FAM91A1: variants seen among roughly 807,000 people sequenced by gnomAD.
FAM91A1 encodes protein FAM91A1.
FAM91A1 carries 41 observed loss-of-function variants against 113.5 expected under a neutral mutation model. The ratio of observed to expected loss-of-function variants is 0.36; its 90% CI spans 0.28 to 0.47. FAM91A1 has a LOEUF of 0.47. Ranked by LOEUF, FAM91A1 falls within the 20% of genes least tolerant of loss-of-function variation. The pLI is 1.00. For missense variants in FAM91A1, 696 were observed against 1,001.2 expected (o/e 0.70, Z 4.11); for synonymous variants, 307 against 347.9 (o/e 0.88, Z 1.31).
rs1234040251 is a variant in FAM91A1 at position 123,812,917 on chromosome 8, ATTTTT to A, written c.*215_*219del. 1 of 408,254 alleles carries A rather than the reference ATTTTT, an allele frequency of 2.4e-6. No homozygotes were observed. Among genetic ancestry groups the A allele is most frequent in the Admixed American group, 4.4e-5 (1 of 22,858 alleles). 25.3% of individuals were successfully genotyped at this position (408,254 alleles called of 1,614,324 possible). On this transcript the variant is annotated 3_prime_UTR_variant, in exon 24 of 24. Transcript: ENST00000334705. ...AGTGCTTTTTAGCAGCCAGCACTGTATTTTTTACCTTGAGACAATCTGCATTTCTT... is the reference window on the plus strand; with the variant it reads ...AGTGCTTTTTAGCAGCCAGCACTGTATACCTTGAGACAATCTGCATTTCTT...
intron 20 of FAM91A1, among the ~76,000 whole-genome samples, chr8:123,807,062 T>A (rs1160636000): frequency 6.6e-6 from 1 of 152,140 alleles, no homozygotes; most frequent in Non-Finnish European, 1.5e-5. Flanking sequence ...TCCCATTGAT[T>A]GACAGTATTC....
In FAM91A1 at chr8:123,786,499, A is replaced by G; in HGVS notation, c.967A>G (p.Thr323Ala). The G allele has an allele frequency of 6.2e-7, 1 of 1,609,482 alleles. No individual in the cohort carries two copies. Among genetic ancestry groups the G allele is most frequent in the Non-Finnish European group, 8.5e-7 (1 of 1,176,378 alleles). ...AAATGCATTCTTCATTAATAGGAGTACCTTAGATCCACAGAAGATGCTCTT... is the reference window on the plus strand; with the variant it reads ...AAATGCATTCTTCATTAATAGGAGTGCCTTAGATCCACAGAAGATGCTCTT... ...NVPSVNRLKS[T>A]LDPQKMLLSW... Residue 323 changes from threonine (T) to alanine (A), a missense_variant, in exon 12 of 24, where the codon ACC (threonine) becomes GCC (alanine). Physicochemically the swap from Thr to Ala is moderately conservative, Grantham distance 58. Transcript: ENST00000334705.
chr8:123,785,362 T>C (rs1189064334), intron 10 of FAM91A1, among the ~76,000 whole-genome samples: 1 of 152,206 alleles, frequency 6.6e-6, no homozygotes, highest in Non-Finnish European at 1.5e-5. Context: ...GCCCAAGCAG[T>C]ATCTTGTAGT....
At position 123,813,065 on chromosome 8, in the gene FAM91A1, T is replaced by C. The variant is rs1442815085; in HGVS notation, c.*361T>C. 2 of 160,302 alleles carry C rather than the reference T, an allele frequency of 1.2e-5. No homozygotes were observed. The highest frequency in any genetic ancestry group is 2.7e-5 in the Non-Finnish European group (2 of 73,350). 9.9% of individuals were successfully genotyped at this position (160,302 alleles called of 1,614,324 possible). On this transcript the variant is annotated 3_prime_UTR_variant, in exon 24 of 24. Transcript: ENST00000334705. ...TAGTTTATCAAACATAAATCTTGTT[T>C]AATTTTATATTTTGTTACCTATACT... is the stretch of plus-strand genomic sequence containing the variant.
intron 15 of FAM91A1, among the ~76,000 whole-genome samples, chr8:123,791,666 C>G (rs1815388298): frequency 6.6e-6 from 1 of 152,098 alleles, no homozygotes. Context: ...AGCTTAGCTC[C>G]TCATCTGAAT....
rs1190461898 is a variant in FAM91A1 at position 123,777,310 on chromosome 8, A to C, written c.355A>C (p.Thr119Pro). ...EKSYDSLPNF[T>P]AADCLRLLGI... is the part of the protein sequence containing the mutation. ...AAGTTATGATTCATTGCCCAATTTT[A>C]CTGCTGCTGACTGTAAGTATTTAAT... The change falls in exon 4 of 24, where the codon ACT becomes CCT. Residue 119 changes from threonine to proline, a missense_variant. Coordinates refer to ENST00000334705, the MANE Select transcript of FAM91A1 (RefSeq NM_144963.4). 1 of 1,611,958 alleles carries C rather than the reference A, an allele frequency of 6.2e-7. No homozygotes were observed. The highest frequency in any genetic ancestry group is 2.2e-5 in the East Asian group (1 of 44,742).
At chr8:123,808,636 G>A in intron 21 of FAM91A1, 1 of 492,626 alleles carries the variant, frequency 2.0e-6, no homozygotes. Context: ...TCTTTTTTGG[G>A]CAAATGACTA....
intron 1 of FAM91A1, among the ~76,000 whole-genome samples, chr8:123,771,879 C>G (rs1168806064): frequency 1.3e-5 from 2 of 152,156 alleles, no homozygotes; most frequent in African/African-American, 2.4e-5. Flanking sequence ...GCCATTTGAT[C>G]TGATGTAGTT....
At chr8:123,785,489 G>C in intron 10 of FAM91A1, 140 bp from the exon 11 acceptor site, 1 of 646,462 alleles carries the variant, frequency 1.5e-6, no homozygotes, top group South Asian at 2.0e-5. Context: ...GGAGGAGCAG[G>C]TCTACTGAAA....
chr8:123,773,789 C>A (rs1264483934), intron 1 of FAM91A1, among the ~76,000 whole-genome samples: 1 of 152,080 alleles, frequency 6.6e-6, no homozygotes, highest in African/African-American at 2.4e-5. Context: ...TCTTTGTTAA[C>A]CAAAGTGAAG....
intron 5 of FAM91A1, among the ~76,000 whole-genome samples, chr8:123,778,323 CTT>C (rs1296162005): frequency 6.6e-6 from 1 of 152,010 alleles, no homozygotes; most frequent in Non-Finnish European, 1.5e-5. Context: ...TTCTCTTAGT[CTT>C]TTTATTTGCT....
At chr8:123,780,164 A>G (rs1815085264) in intron 7 of FAM91A1, 89 bp downstream of exon 7, 1 of 1,068,782 alleles carries the variant, frequency 9.4e-7, no homozygotes, top group Non-Finnish European at 1.4e-6. Flanking sequence ...TCAAGTAGGT[A>G]CAAATAGTAC....
chr8:123,805,793 A>G (rs1815788974), intron 19 of FAM91A1, among the ~76,000 whole-genome samples: 1 of 152,258 alleles, frequency 6.6e-6, no homozygotes, highest in Non-Finnish European at 1.5e-5. Context: ...GAATTATAAA[A>G]AAGAGGTTTC....
In FAM91A1 at chr8:123,789,652, G is replaced by T. The variant is rs1563642132; in HGVS notation, c.1318G>T (p.Asp440Tyr). The change falls in exon 15 of 24, where the codon GAT becomes TAT. Residue 440 changes from aspartate (D) to tyrosine (Y), a missense_variant. Physicochemically the swap from Asp to Tyr is radical, Grantham distance 160. Coordinates refer to ENST00000334705, the MANE Select transcript of FAM91A1 (RefSeq NM_144963.4). ...TGEGEAQRYF[D>Y]HALTLRNTIL... ...TGAAGGAGAAGCACAGAGATATTTT[G>T]ATCATGCACTTACTCTGAGAAACAC... 1.2e-6 allele frequency: 2 copies of T among 1,612,056 alleles called. No homozygotes were observed. The highest frequency in any genetic ancestry group is 1.7e-6 in the Non-Finnish European group (2 of 1,179,746).
chr8:123,795,990 G>A (rs1815509328), intron 15 of FAM91A1, among the ~76,000 whole-genome samples: 1 of 152,186 alleles, frequency 6.6e-6, no homozygotes, highest in Non-Finnish European at 1.5e-5. Context: ...TTCCTTTGAT[G>A]TTTTTTCCCT....
chr8:123,794,279 A>G (rs1163406695), intron 15 of FAM91A1, among the ~76,000 whole-genome samples: 1 of 152,236 alleles, frequency 6.6e-6, no homozygotes, highest in East Asian at 1.9e-4. Context: ...AATGTCAAAG[A>G]AGTTAAGGAA....
intron 8 of FAM91A1, among the ~76,000 whole-genome samples, chr8:123,783,103 G>A (rs1258972166): frequency 6.6e-6 from 1 of 152,140 alleles, no homozygotes; most frequent in East Asian, 1.9e-4. Context: ...TTGAGCCTGG[G>A]AGGTCGAAGC....
intron 18 of FAM91A1, 50 bp from the exon 19 acceptor site, chr8:123,805,217 A>T: frequency 7.2e-7 from 1 of 1,392,714 alleles, no homozygotes; most frequent in Non-Finnish European, 1.0e-6. Flanking sequence ...AATATCAGTG[A>T]TTGGAAATGA....
At chr8:123,805,413 C>T in intron 19 of FAM91A1, 74 bp downstream of exon 19, 1 of 1,185,790 alleles carries the variant, frequency 8.4e-7, no homozygotes, top group Admixed American at 2.4e-5. Context: ...TGGTGGAAAA[C>T]ATGGCAGGAA....
Sources: allele counts gnomAD v4.1 joint callset (sites outside exome capture counted in the v4.1 genomes callset), GRCh38; gene constraint gnomAD v4.1.1; transcripts MANE v1.5; gene names NCBI Gene and HGNC (gene_info 2026-07-23, HGNC 2026-07-21).